PIWIL3: variants seen among roughly 807,000 people sequenced by gnomAD.
PIWIL3 encodes the protein piwi-like protein 3.
Under a neutral mutation model 109.7 loss-of-function variants are expected in PIWIL3, and 101 were observed. That is an observed-to-expected ratio of 0.92 (90% CI 0.78 to 1.09). PIWIL3 has a LOEUF of 1.09. PIWIL3 is among the 50% of genes least tolerant of loss of function. The pLI is 0.00. For synonymous variants in PIWIL3, 373 were observed against 376.4 expected (o/e 0.99, Z 0.10); for missense variants, 1,031 against 1,072.6 (o/e 0.96, Z 0.54).
intron 9 of PIWIL3, among the ~76,000 whole-genome samples, chr22:24,751,011 C>G (rs986547650): frequency 2.0e-5 from 3 of 151,688 alleles, no homozygotes; most frequent in African/African-American, 7.3e-5. Flanking sequence ...GTAGTCCCAG[C>G]TACTTGGGAG....
At chr22:24,764,115 T>C (rs1478454823) in intron 1 of PIWIL3, among the ~76,000 whole-genome samples, 1 of 152,048 alleles carries the variant, frequency 6.6e-6, no homozygotes, top group Non-Finnish European at 1.5e-5. Flanking sequence ...TGCCGCACAC[T>C]CAGGAAAGCA....
Position 24,740,315 on chromosome 22 carries a change from G to A in PIWIL3, c.1450-4423C>T, listed in dbSNP as rs571594053. The stretch of plus-strand genomic sequence containing the variant: ...TGTAATCCCAGCACTTTGGGAGCCC[G>A]AGGCGGGTGGATCACAAGGTCAGGA... On this transcript the variant is annotated intron_variant, in intron 12 of 20. Transcript: ENST00000616349. 2.2e-4 allele frequency among the ~76,000 whole-genome samples: 34 copies of A among 151,376 alleles called. 1 individual carries two copies. The South Asian group carries it at 6.7e-3, about 30-fold the overall frequency.
At chr22:24,724,120 G>A (rs1297657149) in intron 18 of PIWIL3, among the ~76,000 whole-genome samples, 3 of 152,108 alleles carry the variant, frequency 2.0e-5, no homozygotes, top group African/African-American at 4.8e-5. Flanking sequence ...TCTGACTTGC[G>A]TGTGGAACGT....
chr22:24,727,866 G>C, intron 16 of PIWIL3, 84 bp downstream of exon 16: 1 of 1,112,856 alleles, frequency 9.0e-7, no homozygotes, highest in Non-Finnish European at 1.3e-6. Flanking sequence ...AACCTCTTGA[G>C]TTAACACATA....
At chr22:24,755,714 C>A in intron 6 of PIWIL3, 70 bp downstream of exon 6, 1 of 1,579,298 alleles carries the variant, frequency 6.3e-7, no homozygotes, top group Non-Finnish European at 8.7e-7. Flanking sequence ...AAGCAAATGG[C>A]TGTATTCCAC....
chr22:24,734,431 A>G (rs1421984903), intron 13 of PIWIL3, among the ~76,000 whole-genome samples: 1 of 152,220 alleles, frequency 6.6e-6, no homozygotes, highest in Non-Finnish European at 1.5e-5. Flanking sequence ...AGAGGTGAGG[A>G]CACAGGGCAA....
At position 24,756,568 on chromosome 22, in the gene PIWIL3, G is replaced by A; in HGVS notation, c.493C>T (p.Gln165Ter). Residue 165 changes from glutamine to a stop codon, truncating the protein, a stop_gained, in exon 5 of 21, where the codon CAA becomes TAA. Coordinates refer to ENST00000616349, the MANE Select transcript of PIWIL3 (RefSeq NM_001255975.1). LOFTEE classifies it high-confidence loss of function. ...DGNLRTILLD[Q>*]HRRKFGERHI... ...CGCTCTCCAAATTTCCTTCTATGTT[G>A]ATCAAGTAAAATTGTACGGAGATTT... 2 of 1,614,050 alleles carry A rather than the reference G, an allele frequency of 1.2e-6. No homozygotes were observed. The highest frequency in any genetic ancestry group is 1.1e-5 in the South Asian group (1 of 91,056).
At chr22:24,768,991 G>A (rs909184229) in intron 1 of PIWIL3, among the ~76,000 whole-genome samples, 2 of 152,142 alleles carry the variant, frequency 1.3e-5, no homozygotes, top group African/African-American at 4.8e-5. Flanking sequence ...ACAAAGAGCC[G>A]CAAGGTGGTG....
chr22:24,761,862 C>T, intron 2 of PIWIL3: 1 of 763,354 alleles, frequency 1.3e-6, no homozygotes, highest in Non-Finnish European at 1.6e-6. Flanking sequence ...AACAGTCAAA[C>T]AGCAGAATAA....
At chr22:24,728,492 AG>A in intron 14 of PIWIL3, 118 bp from the exon 15 acceptor site, 1 of 1,208,512 alleles carries the variant, frequency 8.3e-7, no homozygotes, top group Non-Finnish European at 1.2e-6. Flanking sequence ...CAATTTATTA[AG>A]AAAATATATG....
chr22:24,724,740 T>C, intron 18 of PIWIL3, 147 bp downstream of exon 18: 1 of 927,604 alleles, frequency 1.1e-6, no homozygotes, highest in Non-Finnish European at 1.6e-6. Context: ...CCCGGCCAAT[T>C]TTTTCATTTT....
Position 24,760,223 on chromosome 22 carries a change from T to C in PIWIL3, c.103-234A>G, listed in dbSNP as rs113830388. Reference sequence around the variant, plus strand: ...GGAGAATCAGGAATTACTGGGAAGGTAGGGTGTGAAGGGGCAGGTTTCACT... The same window carrying C: ...GGAGAATCAGGAATTACTGGGAAGGCAGGGTGTGAAGGGGCAGGTTTCACT... On this transcript the variant is annotated intron_variant, in intron 2 of 20. Transcript: ENST00000616349. 7.2e-3 allele frequency among the ~76,000 whole-genome samples: 1,092 copies of C among 151,618 alleles called. 17 individuals carry two copies. Among genetic ancestry groups the C allele is most frequent in the African/African-American group, 0.025 (1,034 of 41,334 alleles).
chr22:24,749,869 C>T, intron 9 of PIWIL3, 50 bp from the exon 10 acceptor site: 1 of 1,613,526 alleles, frequency 6.2e-7, no homozygotes, highest in Non-Finnish European at 8.5e-7. Flanking sequence ...ACCTTAGAAA[C>T]ATCACACACA....
intron 13 of PIWIL3, among the ~76,000 whole-genome samples, chr22:24,734,496 A>G (rs1312108340): frequency 1.3e-5 from 2 of 152,214 alleles, no homozygotes; most frequent in African/African-American, 2.4e-5. Context: ...AGTCCTGGCT[A>G]GCTGGAGCAA....
intron 13 of PIWIL3, 41 bp downstream of exon 13, chr22:24,735,667 C>T: frequency 1.3e-6 from 2 of 1,515,454 alleles, no homozygotes; most frequent in Non-Finnish European, 1.8e-6. Context: ...TTTAAGATTG[C>T]TAACAATCGA....
At chr22:24,757,607 A>C (rs1017898766) in intron 4 of PIWIL3, among the ~76,000 whole-genome samples, 28 of 120,200 alleles carry the variant, frequency 2.3e-4, no homozygotes, top group Non-Finnish European at 3.8e-4. Flanking sequence ...GTCTCTACAA[A>C]ATTTACATAC....
At chr22:24,764,138 G>T (rs899713070) in intron 1 of PIWIL3, among the ~76,000 whole-genome samples, 4 of 152,162 alleles carry the variant, frequency 2.6e-5, no homozygotes, top group Non-Finnish European at 5.9e-5. Flanking sequence ...CGTCGCCCCC[G>T]CCCCAATTCA....
At chr22:24,742,151 C>CAAAAAAA (rs61071998) in intron 12 of PIWIL3, among the ~76,000 whole-genome samples, 13 of 94,598 alleles carry the variant, frequency 1.4e-4, no homozygotes, top group East Asian at 5.8e-4. Context: ...ACAATAGCTG[C>CAAAAAAA]AAAAAAAAAA....
intron 12 of PIWIL3, among the ~76,000 whole-genome samples, chr22:24,744,178 TAAAAAAAAAAAAAAAAA>T: frequency 2.9e-5 from 1 of 34,318 alleles, no homozygotes; most frequent in East Asian, 1.7e-3. Flanking sequence ...GTGACCGAAT[TAAAAAAAAAAAAAAAAA>T]AAAAAAAAAA....
Sources: allele counts gnomAD v4.1 joint callset (sites outside exome capture counted in the v4.1 genomes callset), GRCh38; gene constraint gnomAD v4.1.1; transcripts MANE v1.5; gene names NCBI Gene and HGNC (gene_info 2026-07-23, HGNC 2026-07-21).